Variants in THEMIS observed in about 807,000 individuals in gnomAD.
THEMIS encodes thymocyte selection associated.
Under a neutral mutation model 52.6 loss-of-function variants are expected in THEMIS, and 37 were observed. The observed-to-expected ratio is 0.70, with a 90% CI of 0.54 to 0.93. The LOEUF is 0.93. Among genes scored for constraint, THEMIS ranks in the 40% least tolerant of loss-of-function variants. The pLI, the probability that THEMIS is intolerant of heterozygous loss-of-function variation, is 0.00. For synonymous variants in THEMIS, 292 were observed against 272.7 expected, an observed-to-expected ratio of 1.07 and a Z score of -0.70; for missense variants, 808 against 763.1, an observed-to-expected ratio of 1.06 and a Z score of -0.69.
At chr6:127,717,935 G>T (rs1471326468) in intron 5 of THEMIS, among the ~76,000 whole-genome samples, 3 of 151,514 alleles carry the variant, frequency 2.0e-5, no homozygotes, top group Non-Finnish European at 4.4e-5. Context: ...AGAGGAGAAA[G>T]CTCAGAAAAG....
At chr6:127,900,619 T>C (rs956899207) in intron 1 of THEMIS, among the ~76,000 whole-genome samples, 2 of 152,060 alleles carry the variant, frequency 1.3e-5, no homozygotes, top group African/African-American at 2.4e-5. Flanking sequence ...GAAGCTTCAC[T>C]CAATTCCTTA....
At chr6:127,837,790 T>C (rs1171622848) in intron 2 of THEMIS, among the ~76,000 whole-genome samples, 1 of 152,100 alleles carries the variant, frequency 6.6e-6, no homozygotes, top group Admixed American at 6.6e-5. Context: ...GTCGAAACTC[T>C]ACTATAGACA....
chr6:127,710,989 CCCTTCCTT>C (rs200901208), intron 5 of THEMIS, among the ~76,000 whole-genome samples: 1 of 143,330 alleles, frequency 7.0e-6, no homozygotes, highest in African/African-American at 2.6e-5. Flanking sequence ...CTCCCTCCCT[CCCTTCCTT>C]CCTTCCTCCT....
chr6:127,710,235 G>A (rs941949665), intron 5 of THEMIS, among the ~76,000 whole-genome samples: 11 of 151,776 alleles, frequency 7.2e-5, no homozygotes, highest in African/African-American at 2.7e-4. Context: ...ACTTGTATGA[G>A]GTAGGAGATA....
intron 1 of THEMIS, among the ~76,000 whole-genome samples, chr6:127,875,318 TGACA>T (rs1193072008): frequency 6.6e-6 from 1 of 152,224 alleles, no homozygotes; most frequent in Non-Finnish European, 1.5e-5. Context: ...TTGACACCAG[TGACA>T]GAGAAAGTCT....
chr6:127,737,268 A>T (rs1480833854), intron 4 of THEMIS, among the ~76,000 whole-genome samples: 6 of 152,194 alleles, frequency 3.9e-5, no homozygotes, highest in Non-Finnish European at 2.9e-5. Context: ...CTGTCATTTG[A>T]AAAGAGACTT....
intron 3 of THEMIS, among the ~76,000 whole-genome samples, chr6:127,815,968 G>GC (rs1778116213): frequency 6.6e-6 from 1 of 152,100 alleles, no homozygotes; most frequent in Non-Finnish European, 1.5e-5. Flanking sequence ...GGACTTTATT[G>GC]CTGCTGGAGA....
intron 1 of THEMIS, among the ~76,000 whole-genome samples, chr6:127,912,160 C>A (rs2114533324): frequency 6.6e-6 from 1 of 152,252 alleles, no homozygotes; most frequent in East Asian, 1.9e-4. Context: ...CATTTTGGAA[C>A]TTTAAGGTTT....
chr6:127,907,337 A>ATTT (rs58472332), intron 1 of THEMIS, among the ~76,000 whole-genome samples: 1,071 of 49,426 alleles, frequency 0.022, 247 homozygotes, highest in African/African-American at 0.056. Context: ...TTAGGCTCGG[A>ATTT]TTTTTTTTTT....
At chr6:127,824,980 A>T (rs113917429) in intron 3 of THEMIS, among the ~76,000 whole-genome samples, 1,966 of 152,288 alleles carry the variant, frequency 0.013, 49 homozygotes, top group African/African-American at 0.045. Context: ...TTCTCAGAGA[A>T]ATAAGATGTA....
At chr6:127,845,961 T>G (rs910338862) in intron 2 of THEMIS, among the ~76,000 whole-genome samples, 2 of 151,940 alleles carry the variant, frequency 1.3e-5, no homozygotes, top group East Asian at 3.9e-4. Flanking sequence ...TCTGGCTAAC[T>G]GAGGCTCTAC....
intron 4 of THEMIS, among the ~76,000 whole-genome samples, chr6:127,774,083 T>C (rs1266495328): frequency 6.6e-6 from 1 of 152,244 alleles, no homozygotes; most frequent in Non-Finnish European, 1.5e-5. Flanking sequence ...GCTGCTGGGA[T>C]GCTGTGACAA....
At chr6:127,764,625 C>T (rs978705711) in intron 4 of THEMIS, among the ~76,000 whole-genome samples, 1 of 151,936 alleles carries the variant, frequency 6.6e-6, no homozygotes, top group African/African-American at 2.4e-5. Flanking sequence ...ACAGGTGTTG[C>T]ATGCTGGTAT....
chr6:127,714,113 A>T (rs555800700), intron 5 of THEMIS, among the ~76,000 whole-genome samples: 1 of 151,996 alleles, frequency 6.6e-6, no homozygotes, highest in African/African-American at 2.4e-5. Context: ...AGAAGAAATG[A>T]AAGGTTGTTC....
intron 4 of THEMIS, among the ~76,000 whole-genome samples, chr6:127,806,667 T>A (rs1248409579): frequency 6.6e-6 from 1 of 152,256 alleles, no homozygotes; most frequent in Admixed American, 6.5e-5. Flanking sequence ...GCGAATATTT[T>A]AGTTTAACCA....
intron 2 of THEMIS, among the ~76,000 whole-genome samples, chr6:127,838,513 T>C (rs1233390425): frequency 6.6e-6 from 1 of 152,046 alleles, no homozygotes; most frequent in Non-Finnish European, 1.5e-5. Context: ...TTCTTCCTCA[T>C]TTTTTTACTT....
intron 2 of THEMIS, among the ~76,000 whole-genome samples, chr6:127,848,395 A>G (rs945868516): frequency 3.3e-5 from 5 of 152,026 alleles, no homozygotes; most frequent in African/African-American, 1.2e-4. Flanking sequence ...ACGTGTGCAT[A>G]TGTCTTTATA....
chr6:127,897,209 G>C (rs536656980), intron 1 of THEMIS, among the ~76,000 whole-genome samples: 31 of 151,288 alleles, frequency 2.0e-4, no homozygotes, highest in African/African-American at 7.2e-4. Flanking sequence ...ATTTCTAGAA[G>C]ATAATACATA....
intron 3 of THEMIS, among the ~76,000 whole-genome samples, chr6:127,814,848 G>T (rs1179615640): frequency 2.0e-5 from 3 of 152,042 alleles, no homozygotes; most frequent in Non-Finnish European, 4.4e-5. Flanking sequence ...CATTATAAAT[G>T]GTCCTGAATT....
Sources: gnomAD v4.1 joint callset for allele counts (sites outside exome capture counted in the v4.1 genomes callset) on GRCh38, gnomAD v4.1.1 for gene constraint, MANE v1.5 for transcripts, NCBI Gene and HGNC (gene_info 2026-07-23, HGNC 2026-07-21) for gene names.